The following DCAF1 variants were observed in gnomAD, a reference collection of about 807,000 sequenced individuals.
DCAF1 encodes DDB1 and CUL4 associated factor 1, also known as DDB1- and CUL4-associated factor 1.
In DCAF1, 15 loss-of-function variants were observed where a neutral mutation model predicts 128.0. The observed-to-expected ratio is 0.12, with a 90% CI of 0.08 to 0.18. The LOEUF is 0.18. DCAF1 is among the 10% of genes least tolerant of loss of function. The pLI, the probability that DCAF1 is intolerant of heterozygous loss-of-function variation, is 1.00. For synonymous variants in DCAF1, 610 were observed against 603.0 expected (o/e 1.01, Z -0.17); for missense variants, 988 against 1,649.5 (o/e 0.60, Z 6.95).
At chr3:51,398,876 G>A in intron 24 of DCAF1, 49 bp from the exon 25 acceptor site, 2 of 1,554,600 alleles carry the variant, frequency 1.3e-6, no homozygotes, top group Non-Finnish European at 8.7e-7. Flanking sequence ...AGGCTTATAG[G>A]AAGCTTTCCT....
At chr3:51,444,883 G>C (rs1432105771) in intron 6 of DCAF1, among the ~76,000 whole-genome samples, 3 of 150,190 alleles carry the variant, frequency 2.0e-5, no homozygotes, top group Non-Finnish European at 4.4e-5. Flanking sequence ...CACCGTGTTA[G>C]CCAGGATGGT....
In DCAF1 at chr3:51,418,744, A is replaced by G. The variant is rs781922567; in HGVS notation, c.3369T>C (p.Phe1123=). Residue 1123 remains phenylalanine, a synonymous_variant, in exon 16 of 25, where the codon TTT becomes TTC. Transcript: ENST00000684031. ...CTGQLKLYNV[F]SGQEEASYNC... is the part of the protein sequence containing the mutation. ...TATAGCTGGCCTCCTCCTGTCCACT[A>G]AACACATTATAGAGCTTCAGCTGCC... The G allele has an allele frequency of 1.2e-6, 2 of 1,614,024 alleles. No individual in the cohort carries two copies. The highest frequency in any genetic ancestry group is 1.7e-6 in the Non-Finnish European group (2 of 1,179,902).
chr3:51,488,154 T>C (rs576962473), intron 2 of DCAF1, among the ~76,000 whole-genome samples: 1 of 152,080 alleles, frequency 6.6e-6, no homozygotes, highest in South Asian at 2.1e-4. Flanking sequence ...CATGAACCAC[T>C]GCACCAGGCC....
intron 4 of DCAF1, 126 bp from the exon 5 acceptor site, chr3:51,467,002 G>GA: frequency 2.8e-6 from 2 of 710,500 alleles, no homozygotes; most frequent in Non-Finnish European, 4.8e-6. Flanking sequence ...AAAATAATCA[G>GA]AAACAAAAGA....
At chr3:51,436,590 A>G (rs191243096) in intron 9 of DCAF1, among the ~76,000 whole-genome samples, 4 of 152,286 alleles carry the variant, frequency 2.6e-5, no homozygotes, top group African/African-American at 4.8e-5. Context: ...TTCTTCTTGT[A>G]TCTTTCCTTC....
At chr3:51,436,356 T>G (rs1553636673) in intron 9 of DCAF1, 1 of 519,820 alleles carries the variant, frequency 1.9e-6, no homozygotes, top group African/African-American at 1.9e-5. Flanking sequence ...ATGAATCAAG[T>G]AGTGGACCAT....
At position 51,426,648 on chromosome 3, in the gene DCAF1, A is replaced by G. The variant is rs374594129; in HGVS notation, c.1847+724T>C. Reference sequence around the variant, plus strand: ...AGGTATCTTGAAACCAAAAAGTTTAATAACACCTGCTCCAAGAGTACCTTA... The same window carrying G: ...AGGTATCTTGAAACCAAAAAGTTTAGTAACACCTGCTCCAAGAGTACCTTA... On this transcript the variant is annotated intron_variant, in intron 13 of 24. Coordinates refer to ENST00000684031, the MANE Select transcript of DCAF1 (RefSeq NM_001387579.1). Among the ~76,000 whole-genome samples, 275 of 152,366 alleles carry G rather than the reference A, an allele frequency of 1.8e-3. 5 individuals are homozygous for G. In the South Asian group the frequency reaches 0.023, roughly 13 times the overall value.
intron 3 of DCAF1, among the ~76,000 whole-genome samples, chr3:51,472,110 C>A (rs1347516516): frequency 6.6e-6 from 1 of 152,124 alleles, no homozygotes; most frequent in Non-Finnish European, 1.5e-5. Flanking sequence ...TACCACAATA[C>A]CCTGAATTAA....
chr3:51,441,945 T>G (rs1701398671), intron 7 of DCAF1, 48 bp from the exon 8 acceptor site: 2 of 1,531,744 alleles, frequency 1.3e-6, no homozygotes, highest in Non-Finnish European at 1.7e-6. Context: ...TTATTAAGGA[T>G]TAAGTAATCC....
intron 18 of DCAF1, among the ~76,000 whole-genome samples, 180 bp from the exon 19 acceptor site, chr3:51,415,037 G>A (rs954466572): frequency 1.3e-5 from 2 of 151,974 alleles, no homozygotes; most frequent in East Asian, 1.9e-4. Flanking sequence ...CACCGCACCC[G>A]GCCAGGCACC....
intron 1 of DCAF1, among the ~76,000 whole-genome samples, chr3:51,499,616 C>T (rs1708629070): frequency 6.6e-6 from 1 of 151,736 alleles, no homozygotes; most frequent in African/African-American, 2.4e-5. Flanking sequence ...GGAAGAGTTA[C>T]TCTCGGGAAG....
chr3:51,464,630 G>A lies in DCAF1; in HGVS notation c.262-1403C>T, dbSNP rs542860377. 4.6e-5 allele frequency among the ~76,000 whole-genome samples: 7 copies of A among 151,682 alleles called. No homozygotes were observed. In the South Asian group the frequency reaches 1.5e-3, roughly 31 times the overall value. ...AGAATCCTTAAACATGGGAGGTCAA[G>A]GCTGCAGTGAGTGATCGTACTAATG... On this transcript the variant is annotated intron_variant, in intron 5 of 24. Coordinates refer to ENST00000684031, the MANE Select transcript of DCAF1 (RefSeq NM_001387579.1).
chr3:51,405,211 C>T (rs1341812426), intron 23 of DCAF1, among the ~76,000 whole-genome samples: 1 of 152,174 alleles, frequency 6.6e-6, no homozygotes, highest in Non-Finnish European at 1.5e-5. Flanking sequence ...TGAGTGTGTA[C>T]ATGAAAGGTT....
At chr3:51,497,272 G>T (rs1708328525) in intron 1 of DCAF1, among the ~76,000 whole-genome samples, 3 of 152,018 alleles carry the variant, frequency 2.0e-5, no homozygotes, top group Admixed American at 6.6e-5. Flanking sequence ...TCCAGGCTAG[G>T]TGACACAGGA....
chr3:51,474,943 C>A (rs1170027119), intron 3 of DCAF1, among the ~76,000 whole-genome samples: 1 of 151,918 alleles, frequency 6.6e-6, no homozygotes, highest in Non-Finnish European at 1.5e-5. Flanking sequence ...TGCCACCATG[C>A]CCGGCTAACT....
At chr3:51,439,522 A>G (rs1701167641) in intron 9 of DCAF1, among the ~76,000 whole-genome samples, 1 of 149,440 alleles carries the variant, frequency 6.7e-6, no homozygotes, top group Non-Finnish European at 1.5e-5. Flanking sequence ...GCTCACTGCA[A>G]CGTCCACCTC....
intron 6 of DCAF1, among the ~76,000 whole-genome samples, chr3:51,447,484 C>T (rs1701990714): frequency 6.6e-6 from 1 of 152,122 alleles, no homozygotes; most frequent in African/African-American, 2.4e-5. Context: ...AAAATTTCTA[C>T]TGATATAGAA....
chr3:51,499,521 A>T (rs1204029612), intron 1 of DCAF1, among the ~76,000 whole-genome samples: 1 of 152,030 alleles, frequency 6.6e-6, no homozygotes, highest in Non-Finnish European at 1.5e-5. Flanking sequence ...GACTAGGAGG[A>T]TTGGAAGGAA....
At chr3:51,437,373 G>T (rs1553637202) in intron 9 of DCAF1, 1 of 377,802 alleles carries the variant, frequency 2.6e-6, no homozygotes, top group Non-Finnish European at 5.1e-6. Context: ...GGGAGGGCAA[G>T]TAAGATAAGC....
Sources: gnomAD v4.1 joint callset for allele counts (sites outside exome capture counted in the v4.1 genomes callset) on GRCh38, gnomAD v4.1.1 for gene constraint, MANE v1.5 for transcripts, NCBI Gene and HGNC (gene_info 2026-07-23, HGNC 2026-07-21) for gene names.